CUBN: variants seen among roughly 807,000 people sequenced by gnomAD.
CUBN encodes cubilin.
In CUBN, 282 loss-of-function variants were observed where a neutral mutation model predicts 405.3. The observed-to-expected ratio is 0.70, with a 90% CI of 0.63 to 0.77. The LOEUF is 0.77. Among genes scored for constraint, CUBN ranks in the 30% least tolerant of loss-of-function variants. CUBN has a pLI of 0.00. For synonymous variants in CUBN, 1,684 were observed against 1,617.0 expected (o/e 1.04, Z -0.99); for missense variants, 4,514 against 4,475.2 (o/e 1.01, Z -0.25).
chr10:17,068,072 G>T lies in CUBN; in HGVS notation c.3000C>A (p.Ser1000=). 5.0e-6 allele frequency: 8 copies of T among 1,609,070 alleles called. No homozygotes were observed. Among genetic ancestry groups the T allele is most frequent in the Non-Finnish European group, 6.0e-6 (7 of 1,175,670 alleles). The part of the protein sequence containing the change: ...LEVYDTDSET[S]LGRYCGKSIP... ...AACAAACATAACCTTACCTTCCAAG[G>T]GATGTCTCAGAGTCGGTGTCATAAA... Residue 1000 remains serine (S), a synonymous_variant, in exon 21 of 67, where the codon TCC becomes TCA. Transcript: ENST00000377833.
At chr10:17,002,454 T>TG (rs1833919257) in intron 28 of CUBN, among the ~76,000 whole-genome samples, 5 of 124,308 alleles carry the variant, frequency 4.0e-5, no homozygotes, top group Non-Finnish European at 9.1e-5. Context: ...GTTTGAGGGT[T>TG]ATTTTTTTTT....
chr10:16,958,553 G>A (rs1000071251), intron 31 of CUBN, among the ~76,000 whole-genome samples: 5 of 151,990 alleles, frequency 3.3e-5, no homozygotes, highest in Admixed American at 1.3e-4. Flanking sequence ...CATGTGTCCC[G>A]GAATTCAAAT....
At chr10:17,108,893 G>A (rs896077320) in intron 10 of CUBN, among the ~76,000 whole-genome samples, 1 of 152,084 alleles carries the variant, frequency 6.6e-6, no homozygotes, top group Admixed American at 6.5e-5. Context: ...AAGAAAGAAA[G>A]AGAGCAAAGG....
chr10:17,041,198 GACT>G lies in CUBN; in HGVS notation c.3849_3851del (p.Val1284del). On this transcript the variant is annotated inframe_deletion, in exon 27 of 67. Transcript: ENST00000377833. ...TCTCTAAGATGCCATAGGTTTGATTGACTATTACCACATTCTCACATGCTGGAA... is the reference window on the plus strand; with the variant it reads ...TCTCTAAGATGCCATAGGTTTGATTGATTACCACATTCTCACATGCTGGAA... 1 of 1,613,366 alleles carries G rather than the reference GACT, an allele frequency of 6.2e-7. No homozygotes were observed. The highest frequency in any genetic ancestry group is 8.5e-7 in the Non-Finnish European group (1 of 1,179,516).
At position 16,921,337 on chromosome 10, in the gene CUBN, C is replaced by T. The variant is rs1412155683; in HGVS notation, c.6647-1200G>A. On this transcript the variant is annotated intron_variant, in intron 43 of 66. Coordinates refer to ENST00000377833, the MANE Select transcript of CUBN (RefSeq NM_001081.4). Reference sequence around the variant, plus strand: ...ATCTGCATCTCTACACTCTATTTTTCCCTCTGTACATTAACTTCCTGTATC... The same window carrying T: ...ATCTGCATCTCTACACTCTATTTTTTCCTCTGTACATTAACTTCCTGTATC... Among the ~76,000 whole-genome samples the T allele has an allele frequency of 3.3e-5, 5 of 152,184 alleles. No individual in the cohort carries two copies. In the East Asian group the frequency reaches 7.7e-4, roughly 24 times the overall value.
Position 16,925,335 on chromosome 10 carries a change from CAG to C in CUBN, c.6550_6551del (p.Leu2184ValfsTer5). ...HFCGSHASSTLFTSDNQMFVQ... is the reference protein window; with the variant it reads ...HFCGSHASSTXFTSDNQMFVQ... ...CAAACATTTGATTATCCGAGGTGAA[CAG>C]AGTTGATGAAGCATGACTGCCACAA... On this transcript the variant is annotated frameshift_variant, in exon 43 of 67. Coordinates refer to ENST00000377833, the MANE Select transcript of CUBN (RefSeq NM_001081.4). LOFTEE classifies it high-confidence loss of function. 6.2e-7 allele frequency: 1 copy of C among 1,613,804 alleles called. No homozygotes were observed. The highest frequency in any genetic ancestry group is 8.5e-7 in the Non-Finnish European group (1 of 1,179,822).
At chr10:17,013,310 GTC>G (rs771518701) in intron 28 of CUBN, among the ~76,000 whole-genome samples, 2 of 150,236 alleles carry the variant, frequency 1.3e-5, no homozygotes, top group Non-Finnish European at 3.0e-5. Flanking sequence ...TTCTCTCTCT[GTC>G]TCTCTGTCTC....
intron 17 of CUBN, among the ~76,000 whole-genome samples, chr10:17,076,893 T>C (rs548042387): frequency 4.6e-5 from 7 of 152,342 alleles, no homozygotes; most frequent in African/African-American, 1.7e-4. Context: ...AAACACGTTA[T>C]TGAAAGCCAC....
At chr10:16,827,141 AAGTGTTGTCTGT>A (rs1478921912) in intron 66 of CUBN, among the ~76,000 whole-genome samples, 1 of 152,122 alleles carries the variant, frequency 6.6e-6, no homozygotes, top group Non-Finnish European at 1.5e-5. Context: ...AAAGTTTATT[AAGTGTTGTCTGT>A]AGTTGCAAAA....
rs1031996375 is a variant in CUBN at position 16,974,982 on chromosome 10, G to A, written c.4695+7502C>T. Reference sequence around the variant, plus strand: ...AAATATCTGTTAATTGACTGTTTATGTTAATGGTAAGCCTTCTGTCCGTCA... The same window carrying A: ...AAATATCTGTTAATTGACTGTTTATATTAATGGTAAGCCTTCTGTCCGTCA... On this transcript the variant is annotated intron_variant, in intron 31 of 66. Coordinates refer to ENST00000377833, the MANE Select transcript of CUBN (RefSeq NM_001081.4). 2.0e-5 allele frequency among the ~76,000 whole-genome samples: 3 copies of A among 152,290 alleles called. No homozygotes were observed. The East Asian group carries it at 5.8e-4, about 29-fold the overall frequency.
At chr10:16,991,631 GTT>G (rs1197680038) in intron 28 of CUBN, among the ~76,000 whole-genome samples, 2 of 32,078 alleles carry the variant, frequency 6.2e-5, no homozygotes, top group East Asian at 9.8e-4. Context: ...CTCTTTTTCT[GTT>G]TTTTTTTTTT....
chr10:17,096,048 T>A (rs1348182204), intron 14 of CUBN, among the ~76,000 whole-genome samples: 1 of 152,062 alleles, frequency 6.6e-6, no homozygotes, highest in Non-Finnish European at 1.5e-5. Context: ...GGACAAACAC[T>A]GCATGCTCTC....
intron 22 of CUBN, among the ~76,000 whole-genome samples, chr10:17,062,733 G>T (rs570873262): frequency 6.6e-6 from 1 of 152,118 alleles, no homozygotes; most frequent in Non-Finnish European, 1.5e-5. Flanking sequence ...ACTCAAATCC[G>T]GAAACTTAAC....
chr10:16,933,184 G>A lies in CUBN; in HGVS notation c.6027C>T (p.Leu2009=), dbSNP rs200331505. Residue 2009 remains leucine, a synonymous_variant, in exon 40 of 67, where the codon CTC becomes CTT. Coordinates refer to ENST00000377833, the MANE Select transcript of CUBN (RefSeq NM_001081.4). ...CCACGGTAGAGTCGGGAGCCTGGAT[G>A]AGCCACGTACAGTCCACTCTATTAC... ...SYSNRVDCTW[L]IQAPDSTVEL... is the part of the protein sequence containing the mutation. 9 of 1,614,080 alleles carry A rather than the reference G, an allele frequency of 5.6e-6. No individual in the cohort carries two copies. The highest frequency in any genetic ancestry group is 2.2e-5 in the East Asian group (1 of 44,872).
intron 14 of CUBN, among the ~76,000 whole-genome samples, chr10:17,091,718 T>A (rs1419803940): frequency 6.6e-6 from 1 of 152,130 alleles, no homozygotes; most frequent in African/African-American, 2.4e-5. Context: ...AAAAGCAGAT[T>A]TCATGTATCT....
chr10:16,961,448 T>C (rs1397810566), intron 31 of CUBN, among the ~76,000 whole-genome samples: 1 of 152,194 alleles, frequency 6.6e-6, no homozygotes, highest in African/African-American at 2.4e-5. Flanking sequence ...TGTGTTCAAC[T>C]TTGTCACATG....
Position 16,990,633 on chromosome 10 carries a change from C to A in CUBN, c.4169-118G>T, listed in dbSNP as rs149797839. 5 of 775,664 alleles carry A rather than the reference C, an allele frequency of 6.4e-6. No homozygotes were observed. The East Asian group carries it at 1.3e-4, about 21-fold the overall frequency. 48.0% of individuals were successfully genotyped at this position (775,664 alleles called of 1,614,324 possible). ...ATACAATGCTTAATTTAGGAGAAAACCGTTAAGTTACAATAAAGTTATAAT... is the reference window on the plus strand; with the variant it reads ...ATACAATGCTTAATTTAGGAGAAAAACGTTAAGTTACAATAAAGTTATAAT... On this transcript the variant is annotated intron_variant, in intron 28 of 66. Transcript: ENST00000377833.
chr10:17,006,148 C>G (rs553734998), intron 28 of CUBN, among the ~76,000 whole-genome samples: 8 of 152,238 alleles, frequency 5.3e-5, no homozygotes, highest in Middle Eastern at 3.4e-3. Flanking sequence ...ATTTTTGTTA[C>G]GACAGCCCAA....
At position 16,915,064 on chromosome 10, in the gene CUBN, C is replaced by T. The variant is rs767911378; in HGVS notation, c.7319G>A (p.Gly2440Glu). 1 of 1,614,080 alleles carries T rather than the reference C, an allele frequency of 6.2e-7. No homozygotes were observed. The highest frequency in any genetic ancestry group is 8.5e-7 in the Non-Finnish European group (1 of 1,180,014). The change falls in exon 47 of 67, where the codon GGA becomes GAA. Residue 2440 changes from glycine (G) to glutamate (E), a missense_variant. Around this residue, in one of 5 missense-constraint regions of CUBN, gnomAD observed 1,613 missense variants for 1,542.8 expected, o/e 1.05. Transcript: ENST00000377833. ...ACTGGATTCAAATCGCAGTCTGAAT[C>T]CTGAGGCAGTCACAGAGCCGTCTGT... ...FVTDGSVTAS[G>E]FRLRFESSME...
Sources: allele counts gnomAD v4.1 joint callset (sites outside exome capture counted in the v4.1 genomes callset), GRCh38; gene constraint gnomAD v4.1.1; regional missense constraint gnomAD v4.1.1; transcripts MANE v1.5; gene names NCBI Gene and HGNC (gene_info 2026-07-23, HGNC 2026-07-21).